DENND5B: variants seen among roughly 807,000 people sequenced by gnomAD.
DENND5B encodes the protein DENN domain-containing protein 5B.
In DENND5B, 34 loss-of-function variants were observed where a neutral mutation model predicts 140.6. The ratio of observed to expected loss-of-function variants is 0.24; its 90% CI spans 0.18 to 0.32. DENND5B has a LOEUF of 0.32. DENND5B is among the 10% of genes least tolerant of loss of function. The pLI is 1.00. For synonymous variants in DENND5B, 551 were observed against 562.1 expected (o/e 0.98, Z 0.28); for missense variants, 1,142 against 1,560.2 (o/e 0.73, Z 4.52).
At chr12:31,486,289 G>A (rs538547518) in intron 2 of DENND5B, among the ~76,000 whole-genome samples, 1 of 152,214 alleles carries the variant, frequency 6.6e-6, no homozygotes, top group East Asian at 1.9e-4. Context: ...CCTCTCTGGA[G>A]TACACAATAA....
At chr12:31,429,000 G>T (rs1943378254) in intron 8 of DENND5B, among the ~76,000 whole-genome samples, 1 of 151,632 alleles carries the variant, frequency 6.6e-6, no homozygotes, top group South Asian at 2.1e-4. Flanking sequence ...CAAAGTGCTG[G>T]GATTACAGGT....
intron 4 of DENND5B, among the ~76,000 whole-genome samples, chr12:31,453,210 G>A (rs1316424139): frequency 6.6e-6 from 1 of 152,126 alleles, no homozygotes; most frequent in South Asian, 2.1e-4. Context: ...AGGTGGTAGA[G>A]GCAAGTGCAT....
chr12:31,423,954 G>T (rs868281083), intron 10 of DENND5B, among the ~76,000 whole-genome samples: 2 of 152,170 alleles, frequency 1.3e-5, no homozygotes, highest in African/African-American at 2.4e-5. Context: ...TTGTTACTTG[G>T]TTGTATGTAA....
chr12:31,531,511 T>G (rs941405997), intron 1 of DENND5B, among the ~76,000 whole-genome samples: 4 of 152,212 alleles, frequency 2.6e-5, no homozygotes, highest in Non-Finnish European at 5.9e-5. Context: ...TAACTTGTAT[T>G]AACTCATTTA....
chr12:31,435,477 C>T (rs1234148900), intron 7 of DENND5B, among the ~76,000 whole-genome samples: 1 of 152,138 alleles, frequency 6.6e-6, no homozygotes, highest in Non-Finnish European at 1.5e-5. Context: ...GGAATCTCTT[C>T]AGCTGACAAG....
chr12:31,435,707 C>A (rs1338146478), intron 7 of DENND5B, among the ~76,000 whole-genome samples: 2 of 152,160 alleles, frequency 1.3e-5, no homozygotes, highest in African/African-American at 4.8e-5. Flanking sequence ...GTCGCCCAGG[C>A]TGGAGTACAG....
intron 1 of DENND5B, among the ~76,000 whole-genome samples, chr12:31,582,700 G>A (rs912662264): frequency 2.0e-5 from 3 of 152,120 alleles, no homozygotes; most frequent in African/African-American, 4.8e-5. Context: ...AACAAGCTAG[G>A]TCAGGTCATA....
At chr12:31,526,129 T>C (rs972953804) in intron 1 of DENND5B, among the ~76,000 whole-genome samples, 4 of 152,226 alleles carry the variant, frequency 2.6e-5, no homozygotes, top group African/African-American at 7.2e-5. Flanking sequence ...TACAGTCTGT[T>C]AGTTATATAT....
chr12:31,384,944 T>A lies in DENND5B; in HGVS notation c.*2659A>T, dbSNP rs1284710335. The A allele has an allele frequency of 1.4e-5, 2 of 143,436 alleles. No homozygotes were observed. The highest frequency in any genetic ancestry group is 3.1e-5 in the Non-Finnish European group (2 of 65,396). The allele number at this position is 143,436 out of a possible 1,614,324, so 8.9% of individuals were successfully genotyped here. On this transcript the variant is annotated 3_prime_UTR_variant, in exon 21 of 21. Coordinates refer to ENST00000389082, the MANE Select transcript of DENND5B (RefSeq NM_144973.4). ...CCACCCCCCCGCTAATTTTTGTCTA[T>A]TTTTTTTTTTTAGTAGAGACGGGGT... is the stretch of plus-strand genomic sequence containing the variant.
chr12:31,553,964 C>T (rs868588584), intron 1 of DENND5B, among the ~76,000 whole-genome samples: 3,677 of 152,116 alleles, frequency 0.024, 65 homozygotes, highest in Admixed American at 0.049. Context: ...TGTCTCTGCA[C>T]GTGAGATGGG....
At chr12:31,393,745 T>C (rs1941278022) in intron 17 of DENND5B, among the ~76,000 whole-genome samples, 2 of 152,178 alleles carry the variant, frequency 1.3e-5, no homozygotes, top group South Asian at 4.1e-4. Flanking sequence ...TGGAGTGCAG[T>C]GGTGCAATGT....
At chr12:31,399,156 G>GA (rs1292503122) in intron 16 of DENND5B, among the ~76,000 whole-genome samples, 7 of 71,838 alleles carry the variant, frequency 9.7e-5, no homozygotes, top group African/African-American at 3.1e-4. Context: ...GAGAGAGAAA[G>GA]AAAAAAAAAA....
intron 1 of DENND5B, among the ~76,000 whole-genome samples, chr12:31,519,111 A>C (rs757259457): frequency 7.2e-5 from 11 of 152,218 alleles, no homozygotes; most frequent in Non-Finnish European, 1.5e-4. Flanking sequence ...TGTGGAAATG[A>C]CTTCGAAAGG....
At chr12:31,423,205 T>C (rs1943104582) in intron 11 of DENND5B, among the ~76,000 whole-genome samples, 1 of 152,002 alleles carries the variant, frequency 6.6e-6, no homozygotes, top group Non-Finnish European at 1.5e-5. Context: ...CCTCCTAAAG[T>C]GGTGGGATTA....
intron 3 of DENND5B, among the ~76,000 whole-genome samples, chr12:31,472,217 A>C (rs777723061): frequency 6.6e-6 from 1 of 152,180 alleles, no homozygotes; most frequent in Non-Finnish European, 1.5e-5. Context: ...GAGTCAAAGG[A>C]CTCAACCCAG....
intron 3 of DENND5B, among the ~76,000 whole-genome samples, chr12:31,461,838 G>A (rs528609954): frequency 2.6e-5 from 4 of 152,226 alleles, no homozygotes; most frequent in African/African-American, 9.6e-5. Flanking sequence ...AAAATCTTTG[G>A]GAGGAAGAAT....
At chr12:31,544,723 A>G (rs974100240) in intron 1 of DENND5B, among the ~76,000 whole-genome samples, 1 of 152,232 alleles carries the variant, frequency 6.6e-6, no homozygotes, top group African/African-American at 2.4e-5. Flanking sequence ...TGGAAAGGCA[A>G]GAATAAACTA....
intron 1 of DENND5B, among the ~76,000 whole-genome samples, chr12:31,589,710 C>T (rs1342845572): frequency 6.6e-6 from 1 of 151,634 alleles, no homozygotes; most frequent in Non-Finnish European, 1.5e-5. Flanking sequence ...ACACAAAGTT[C>T]AGGCGGTAGA....
chr12:31,479,048 A>G (rs1306618199), intron 3 of DENND5B, among the ~76,000 whole-genome samples: 1 of 152,182 alleles, frequency 6.6e-6, no homozygotes, highest in Non-Finnish European at 1.5e-5. Context: ...TAGACCTGGG[A>G]AAGTCATCTG....
Sources: gnomAD v4.1 joint callset for allele counts (sites outside exome capture counted in the v4.1 genomes callset) on GRCh38, gnomAD v4.1.1 for gene constraint, MANE v1.5 for transcripts, NCBI Gene and HGNC (gene_info 2026-07-23, HGNC 2026-07-21) for gene names.